Variants in SPICE1 observed in about 807,000 individuals in gnomAD.
SPICE1 encodes the protein spindle and centriole associated protein 1.
Under a neutral mutation model 102.7 loss-of-function variants are expected in SPICE1, and 75 were observed. That is an observed-to-expected ratio of 0.73 (90% CI 0.61 to 0.88). SPICE1 has a LOEUF of 0.88. Ranked by LOEUF, SPICE1 falls within the 40% of genes least tolerant of loss-of-function variation. The pLI, the probability that SPICE1 is intolerant of heterozygous loss-of-function variation, is 0.00. For missense variants in SPICE1, 979 were observed against 1,020.1 expected, an observed-to-expected ratio of 0.96 and a Z score of 0.55; for synonymous variants, 308 against 350.3, an observed-to-expected ratio of 0.88 and a Z score of 1.35.
chr3:113,479,516 G>A (rs1239386671), intron 7 of SPICE1, among the ~76,000 whole-genome samples: 1 of 151,894 alleles, frequency 6.6e-6, no homozygotes, highest in Non-Finnish European at 1.5e-5. Flanking sequence ...GGGTCAAATG[G>A]TATTTCTAGT....
chr3:113,459,179 A>G (rs1935864095), intron 12 of SPICE1, among the ~76,000 whole-genome samples: 1 of 152,222 alleles, frequency 6.6e-6, no homozygotes, highest in Non-Finnish European at 1.5e-5. Context: ...GATTAAGGGC[A>G]GTGCAAGATG....
chr3:113,488,731 G>C (rs1936699350), intron 7 of SPICE1, among the ~76,000 whole-genome samples: 1 of 152,126 alleles, frequency 6.6e-6, no homozygotes, highest in Non-Finnish European at 1.5e-5. Context: ...AATGATAAAA[G>C]AAATGTGGAA....
At position 113,503,239 on chromosome 3, in the gene SPICE1, G is replaced by A. The variant is rs780981002; in HGVS notation, c.100-12C>T. 4.5e-6 allele frequency: 7 copies of A among 1,556,742 alleles called. No homozygotes were observed. Among genetic ancestry groups the A allele is most frequent in the African/African-American group, 2.8e-5 (2 of 70,944 alleles). ...TCAGTCACGGTATTCTGTAAAAAAA[G>A]GTGGCCTTTCTTTAAAAAAAAAAAA... On this transcript the variant is annotated splice_polypyrimidine_tract_variant and intron_variant, in intron 2 of 17. Transcript: ENST00000295872.
intron 4 of SPICE1, among the ~76,000 whole-genome samples, chr3:113,494,763 T>G (rs1427750178): frequency 6.6e-6 from 1 of 152,238 alleles, no homozygotes; most frequent in Non-Finnish European, 1.5e-5. Context: ...TAATTAACCT[T>G]GCTCCATGAG....
At chr3:113,504,095 A>G (rs1384314621) in intron 2 of SPICE1, among the ~76,000 whole-genome samples, 1 of 152,136 alleles carries the variant, frequency 6.6e-6, no homozygotes, top group Non-Finnish European at 1.5e-5. Flanking sequence ...AAAAGGCACT[A>G]AACTATCATG....
chr3:113,451,270 T>C (rs1240623104), intron 14 of SPICE1, among the ~76,000 whole-genome samples: 3 of 151,978 alleles, frequency 2.0e-5, no homozygotes, highest in Non-Finnish European at 2.9e-5. Flanking sequence ...ATATGAGAGG[T>C]AGGGTAAAAA....
intron 4 of SPICE1, 93 bp downstream of exon 4, chr3:113,499,346 A>C: frequency 2.3e-6 from 3 of 1,328,240 alleles, no homozygotes; most frequent in African/African-American, 1.5e-5. Flanking sequence ...AGTGATTACT[A>C]GAGTCTCTCC....
chr3:113,510,098 T>A (rs1937189536), intron 1 of SPICE1, among the ~76,000 whole-genome samples: 1 of 152,180 alleles, frequency 6.6e-6, no homozygotes, highest in African/African-American at 2.4e-5. Context: ...TATTTAAATG[T>A]TGAGGATAAT....
At chr3:113,511,825 C>T (rs1338016941) in intron 1 of SPICE1, among the ~76,000 whole-genome samples, 1 of 151,964 alleles carries the variant, frequency 6.6e-6, no homozygotes, top group Non-Finnish European at 1.5e-5. Flanking sequence ...AAAAATGAGG[C>T]TTAGAGAAAG....
rs1935482082 is a variant in SPICE1 at position 113,445,085 on chromosome 3, ACAGT to A, written c.*218_*221del. 2.6e-5 allele frequency: 10 copies of A among 387,628 alleles called. No individual in the cohort carries two copies. 24.0% of individuals were successfully genotyped at this position (387,628 alleles called of 1,614,324 possible). A position where few individuals can be genotyped will look rare whatever the true frequency, so the allele number is the denominator to read the frequency against. On this transcript the variant is annotated 3_prime_UTR_variant, in exon 18 of 18. Transcript: ENST00000295872. ...TAAAATACAAAACTTTAACTTCTCT[ACAGT>A]CAAAGTTTCATTCACAGGGAGCTGT...
In SPICE1 at chr3:113,469,244, A is replaced by C; in HGVS notation, c.612-6T>G. 3 of 1,530,832 alleles carry C rather than the reference A, an allele frequency of 2.0e-6. No homozygotes were observed. The highest frequency in any genetic ancestry group is 2.7e-6 in the Non-Finnish European group (3 of 1,131,482). The allele number at this position is 1,530,832 out of a possible 1,614,324, so 94.8% of individuals were successfully genotyped here. A position where few individuals can be genotyped will look rare whatever the true frequency, so the allele number is the denominator to read the frequency against. ...CTGTTAGTTGTTGGAGAAACCTATA[A>C]ATTACAGGACAATAAGCTACATGAG... On this transcript the variant is annotated splice_region_variant and splice_polypyrimidine_tract_variant and intron_variant, in intron 7 of 17. Coordinates refer to ENST00000295872, the MANE Select transcript of SPICE1 (RefSeq NM_144718.4).
intron 16 of SPICE1, among the ~76,000 whole-genome samples, chr3:113,447,118 TA>T (rs1292686622): frequency 2.0e-5 from 3 of 152,182 alleles, no homozygotes; most frequent in African/African-American, 7.2e-5. Context: ...ACCATGATTT[TA>T]AAGCCTCTCC....
Position 113,442,850 on chromosome 3 carries a change from C to T in SPICE1, c.*2457G>A, listed in dbSNP as rs968287135. ...AAAAAAATGATTATCCTTGCTATTA[C>T]TTATTAAATGGTATATCTAGGTGCC... is the stretch of plus-strand genomic sequence containing the variant. On this transcript the variant is annotated 3_prime_UTR_variant, in exon 18 of 18. Transcript: ENST00000295872. 1 of 152,066 alleles carries T rather than the reference C, an allele frequency of 6.6e-6. No homozygotes were observed. The highest frequency in any genetic ancestry group is 2.4e-5 in the African/African-American group (1 of 41,396). 9.4% of individuals were successfully genotyped at this position (152,066 alleles called of 1,614,324 possible).
At position 113,506,435 on chromosome 3, in the gene SPICE1, G is replaced by A. The variant is rs550404662; in HGVS notation, c.99+72C>T. On this transcript the variant is annotated intron_variant, in intron 2 of 17. Coordinates refer to ENST00000295872, the MANE Select transcript of SPICE1 (RefSeq NM_144718.4). Reference sequence around the variant, plus strand: ...CCCCATTCAGAACACCATCTTGCATGACTAGGGCCATATCACTGTGTCCAT... The same window carrying A: ...CCCCATTCAGAACACCATCTTGCATAACTAGGGCCATATCACTGTGTCCAT... 2.0e-4 allele frequency: 246 copies of A among 1,219,744 alleles called. No homozygotes were observed. In the African/African-American group the frequency reaches 3.4e-3, roughly 17 times the overall value. The allele number at this position is 1,219,744 out of a possible 1,614,324, so 75.6% of individuals were successfully genotyped here.
intron 3 of SPICE1, among the ~76,000 whole-genome samples, chr3:113,499,817 A>G (rs1168155503): frequency 3.3e-5 from 5 of 152,232 alleles, no homozygotes; most frequent in Non-Finnish European, 5.9e-5. Context: ...ACAGAAAGAA[A>G]TAATAATTTC....
In SPICE1 at chr3:113,506,525, T is replaced by C; in HGVS notation, c.81A>G (p.Ser27=). 6.2e-7 allele frequency: 1 copy of C among 1,613,262 alleles called. No individual in the cohort carries two copies. Residue 27 remains serine (S), a synonymous_variant, in exon 2 of 18, where the codon TCA becomes TCG. Transcript: ENST00000295872. ...KTPKVKKKKT[S]VKQEWDNTVT... ...TACTCACATCCCATTCTTGTTTCAC[T>C]GAAGTTTTCTTCTTCTTTACTTTCG... is the stretch of plus-strand genomic sequence containing the variant.
chr3:113,476,508 G>A (rs1158129489), intron 7 of SPICE1, among the ~76,000 whole-genome samples: 1 of 146,594 alleles, frequency 6.8e-6, no homozygotes, highest in Non-Finnish European at 1.5e-5. Context: ...CAAAGCTGGA[G>A]GCATCATGCT....
chr3:113,497,913 T>C (rs1043393084), intron 4 of SPICE1, among the ~76,000 whole-genome samples: 6 of 151,288 alleles, frequency 4.0e-5, no homozygotes, highest in Non-Finnish European at 7.4e-5. Flanking sequence ...GTTGTTGTTT[T>C]TGAGACAGGC....
intron 17 of SPICE1, among the ~76,000 whole-genome samples, chr3:113,446,310 G>A (rs999096027): frequency 5.3e-5 from 8 of 151,536 alleles, no homozygotes; most frequent in African/African-American, 1.2e-4. Flanking sequence ...GTGTCCTGCC[G>A]TAAATATATG....
Sources: allele counts gnomAD v4.1 joint callset (sites outside exome capture counted in the v4.1 genomes callset), GRCh38; gene constraint gnomAD v4.1.1; transcripts MANE v1.5; gene names NCBI Gene and HGNC (gene_info 2026-07-23, HGNC 2026-07-21).